Variants in AKAP13 observed in about 807,000 individuals in gnomAD.
AKAP13 encodes A-kinase anchoring protein 13.
AKAP13 carries 80 observed loss-of-function variants against 264.5 expected under a neutral mutation model. The ratio of observed to expected loss-of-function variants is 0.30; its 90% confidence interval spans 0.25 to 0.36. The LOEUF (loss-of-function observed/expected upper bound fraction) is 0.36. Ranked by LOEUF, AKAP13 falls within the 10% of genes least tolerant of loss-of-function variation. The pLI is 1.00. For synonymous variants in AKAP13, 1,380 were observed against 1,250.2 expected (o/e 1.10, Z -2.19); for missense variants, 3,712 against 3,435.2 (o/e 1.08, Z -2.01).
At chr15:85,448,465 C>T (rs1177398048) in intron 1 of AKAP13, among the ~76,000 whole-genome samples, 2 of 152,062 alleles carry the variant, frequency 1.3e-5, no homozygotes, top group Non-Finnish European at 2.9e-5. Context: ...GATGATATCA[C>T]CTAGGTTATC....
intron 34 of AKAP13, chr15:85,740,701 G>A (rs2614662): frequency 0.94 from 308,882 of 329,486 alleles, 144,906 homozygotes; most frequent in East Asian, 0.98. Context: ...AACCTGTCTC[G>A]TTCCTACTTT....
At chr15:85,487,357 C>T (rs1182570068) in intron 2 of AKAP13, among the ~76,000 whole-genome samples, 1 of 152,182 alleles carries the variant, frequency 6.6e-6, no homozygotes, top group Non-Finnish European at 1.5e-5. Flanking sequence ...AGAAAGCATC[C>T]AAGCTTTCAC....
Position 85,468,934 on chromosome 15 carries a change from A to ATTTT in AKAP13, c.-11-16775_-11-16774insTTTT, listed in dbSNP as rs1555432706. The stretch of plus-strand genomic sequence containing the variant: ...GTGTGTAAATTTTTTTTTTTTTTTA[A>ATTTT]TCAGACTTTTGCTCTTGTCACCCAG... On this transcript the variant is annotated intron_variant, in intron 1 of 36. Coordinates refer to ENST00000394518, the MANE Select transcript of AKAP13 (RefSeq NM_007200.5). 4.6e-3 allele frequency among the ~76,000 whole-genome samples: 441 copies of ATTTT among 95,784 alleles called. 41 individuals carry two copies. The highest frequency in any genetic ancestry group is 5.6e-3 in the Non-Finnish European group (282 of 50,468). The allele number at this position is 95,784 out of a possible 152,430, so 62.8% of individuals were successfully genotyped here.
Position 85,743,788 on chromosome 15 carries a change from A to C in AKAP13, c.8355A>C (p.Lys2785Asn). The C allele has an allele frequency of 1.9e-6, 3 of 1,612,396 alleles. No homozygotes were observed. Among genetic ancestry groups the C allele is most frequent in the Non-Finnish European group, 2.5e-6 (3 of 1,179,360 alleles). Residue 2785 changes from lysine (K) to asparagine (N), a missense_variant, in exon 36 of 37, where the codon AAA becomes AAC. Physicochemically the swap from Lys to Asn is moderately conservative, Grantham distance 94. Around this residue, in one of 3 missense-constraint regions of AKAP13, gnomAD observed 611 missense variants for 539.3 expected, o/e 1.13. Transcript: ENST00000394518. ...CAAAGCCAAAGGAAAAGAAGGAGAA[A>C]AAAAAGAAGAACAAAACCAGCCGCT... Reference protein sequence around the residue: ...GLTKPKEKKEKKKKNKTSRSQ... With the variant: ...GLTKPKEKKENKKKNKTSRSQ...
Position 85,727,048 on chromosome 15 carries a change from C to T in AKAP13, c.6823-18C>T, listed in dbSNP as rs2087663367. The T allele has an allele frequency of 1.2e-6, 2 of 1,613,330 alleles. No individual in the cohort carries two copies. The highest frequency in any genetic ancestry group is 2.7e-5 in the African/African-American group (2 of 74,828). The stretch of plus-strand genomic sequence containing the variant: ...TATTGTATATGTATCTTTTATTTGC[C>T]CTCTTCCCTTTTTCCAGGACCAGAA... On this transcript the variant is annotated intron_variant, in intron 27 of 36. Transcript: ENST00000394518. The surrounding 1 kb of genome is among the most constrained non-coding windows in gnomAD (Gnocchi z 5.3).
chr15:85,645,558 T>G (rs919773323), intron 9 of AKAP13, among the ~76,000 whole-genome samples: 7 of 152,204 alleles, frequency 4.6e-5, no homozygotes, highest in African/African-American at 1.7e-4. Context: ...TTTCTGTACC[T>G]AATATAAACG....
chr15:85,550,752 G>C (rs1449550942), intron 5 of AKAP13, among the ~76,000 whole-genome samples: 1 of 152,168 alleles, frequency 6.6e-6, no homozygotes, highest in East Asian at 1.9e-4. Flanking sequence ...GGGATAACTT[G>C]ACATCTGGCC....
intron 1 of AKAP13, among the ~76,000 whole-genome samples, chr15:85,440,788 CT>C (rs1402756270): frequency 6.6e-6 from 1 of 152,274 alleles, no homozygotes; most frequent in East Asian, 1.9e-4. Context: ...ACTTCTGCCT[CT>C]TTTTTCTCAC....
intron 8 of AKAP13, among the ~76,000 whole-genome samples, chr15:85,630,166 TACACACACACACACACACACAC>T (rs59852934): frequency 6.0e-5 from 6 of 100,186 alleles, no homozygotes; most frequent in African/African-American, 2.3e-4. Flanking sequence ...TTTTAACACA[TACACACACACACACACACACAC>T]ACACACACAC....
intron 5 of AKAP13, among the ~76,000 whole-genome samples, chr15:85,557,884 C>T (rs1232438351): frequency 6.6e-6 from 1 of 152,146 alleles, no homozygotes; most frequent in Non-Finnish European, 1.5e-5. Context: ...TTTTAAAATA[C>T]TCTTGCTATT....
In AKAP13 at chr15:85,615,999, G is replaced by C. The variant is rs941269553; in HGVS notation, c.4162-23375G>C. On this transcript the variant is annotated intron_variant, in intron 8 of 36. Coordinates refer to ENST00000394518, the MANE Select transcript of AKAP13 (RefSeq NM_007200.5). ...ACCCTTGATTTTCACTTAGTACCTT[G>C]TGTTCTCTGCAGAGAGTAAAATTGA... Among the ~76,000 whole-genome samples, 3 of 152,272 alleles carry C rather than the reference G, an allele frequency of 2.0e-5. No individual in the cohort carries two copies. In the Middle Eastern group the frequency reaches 0.01, roughly 518 times the overall value.
At chr15:85,650,304 G>T (rs948421235) in intron 10 of AKAP13, among the ~76,000 whole-genome samples, 1 of 151,846 alleles carries the variant, frequency 6.6e-6, no homozygotes, top group Non-Finnish European at 1.5e-5. Flanking sequence ...GGTGGCACAC[G>T]TCTGTAGTCC....
intron 10 of AKAP13, among the ~76,000 whole-genome samples, chr15:85,652,312 A>C (rs2082893591): frequency 6.6e-6 from 1 of 152,154 alleles, no homozygotes; most frequent in South Asian, 2.1e-4. Flanking sequence ...CCTTTTTTTC[A>C]AGGCAAAATC....
intron 1 of AKAP13, among the ~76,000 whole-genome samples, chr15:85,426,027 G>C (rs143264216): frequency 6.1e-4 from 93 of 152,260 alleles, no homozygotes; most frequent in African/African-American, 2.1e-3. Flanking sequence ...TGAAAAAGAA[G>C]CTCCAAAAAT....
At position 85,573,839 on chromosome 15, in the gene AKAP13, G is replaced by A. The variant is rs183457977; in HGVS notation, c.663-1292G>A. ...ACTTTTAAGAAGGGAAGGCTTACTA[G>A]GAATTATTTTTAAATGAATGAAAGA... On this transcript the variant is annotated intron_variant, in intron 5 of 36. Transcript: ENST00000394518. Among the ~76,000 whole-genome samples, 17 of 152,250 alleles carry A rather than the reference G, an allele frequency of 1.1e-4. No individual in the cohort carries two copies. The East Asian group carries it at 3.1e-3, about 28-fold the overall frequency.
At chr15:85,686,683 A>G (rs577908099) in intron 16 of AKAP13, among the ~76,000 whole-genome samples, 2 of 152,258 alleles carry the variant, frequency 1.3e-5, no homozygotes, top group South Asian at 2.1e-4. Flanking sequence ...AGCCAGGCTT[A>G]AAATAGAGCC....
At chr15:85,619,960 G>C (rs968435755) in intron 8 of AKAP13, 1 of 1,457,780 alleles carries the variant, frequency 6.9e-7, no homozygotes, top group African/African-American at 1.4e-5. Flanking sequence ...TTTTAATAGA[G>C]AGGAGTCTGG....
At chr15:85,672,770 A>G (rs1175828827) in intron 14 of AKAP13, among the ~76,000 whole-genome samples, 4 of 152,258 alleles carry the variant, frequency 2.6e-5, no homozygotes, top group African/African-American at 7.2e-5. Flanking sequence ...TTTGAAGTCC[A>G]TAGCATATTT....
At chr15:85,460,641 G>A (rs1282002545) in intron 1 of AKAP13, among the ~76,000 whole-genome samples, 1 of 152,136 alleles carries the variant, frequency 6.6e-6, no homozygotes, top group Non-Finnish European at 1.5e-5. Flanking sequence ...AGATCATCTT[G>A]GATTACCCAG....
Sources: gnomAD v4.1 joint callset for allele counts (sites outside exome capture counted in the v4.1 genomes callset) on GRCh38, gnomAD v4.1.1 for gene constraint, gnomAD v4.1.1 regional missense constraint, Gnocchi (gnomAD v3.1) non-coding constraint, MANE v1.5 for transcripts, NCBI Gene and HGNC (gene_info 2026-07-23, HGNC 2026-07-21) for gene names.